TCERG1L: variants seen among roughly 807,000 people sequenced by gnomAD.
TCERG1L encodes transcription elongation regulator 1-like protein.
Under a neutral mutation model 56.3 loss-of-function variants are expected in TCERG1L, and 37 were observed. The observed-to-expected ratio is 0.66, with a 90% confidence interval of 0.51 to 0.87. The LOEUF (loss-of-function observed/expected upper bound fraction) is 0.87, where lower values mean the gene tolerates loss of function less well. Ranked by LOEUF, TCERG1L falls within the 40% of genes least tolerant of loss-of-function variation. The pLI, the probability that TCERG1L is intolerant of heterozygous loss-of-function variation, is 0.00. For missense variants in TCERG1L, 799 were observed against 774.2 expected, an observed-to-expected ratio of 1.03 and a Z score of -0.38; for synonymous variants, 324 against 326.3, an observed-to-expected ratio of 0.99 and a Z score of 0.08.
intron 4 of TCERG1L, among the ~76,000 whole-genome samples, chr10:131,225,917 C>T (rs1312778188): frequency 2.0e-5 from 3 of 152,190 alleles, no homozygotes; most frequent in Non-Finnish European, 4.4e-5. Context: ...ACGCCCTAGA[C>T]GCCAGGGTCA....
At chr10:131,150,577 T>G (rs7081792) in intron 6 of TCERG1L, among the ~76,000 whole-genome samples, 125,222 of 152,138 alleles carry the variant, frequency 0.82, 53,037 homozygotes, top group South Asian at 0.93. Flanking sequence ...CCTGAGCCAG[T>G]TGAGGGCCAG....
At chr10:131,168,333 C>G (rs1846053336) in intron 4 of TCERG1L, among the ~76,000 whole-genome samples, 1 of 152,172 alleles carries the variant, frequency 6.6e-6, no homozygotes, top group Admixed American at 6.5e-5. Flanking sequence ...CCCTCTGCAG[C>G]TCCGGGAAGG....
chr10:131,278,627 G>A (rs1846419628), intron 3 of TCERG1L, among the ~76,000 whole-genome samples: 1 of 152,144 alleles, frequency 6.6e-6, no homozygotes, highest in Non-Finnish European at 1.5e-5. Flanking sequence ...ACAGGCATGA[G>A]CCACCGCACC....
chr10:131,147,528 C>T (rs982878519), intron 6 of TCERG1L, among the ~76,000 whole-genome samples: 2 of 152,218 alleles, frequency 1.3e-5, no homozygotes, highest in African/African-American at 4.8e-5. Context: ...TAAGTCGTGT[C>T]AGGGTGCTAT....
chr10:131,188,690 TG>T (rs771576438), intron 4 of TCERG1L, among the ~76,000 whole-genome samples: 2 of 152,222 alleles, frequency 1.3e-5, no homozygotes, highest in Non-Finnish European at 2.9e-5. Flanking sequence ...TATCTACACA[TG>T]GGCCATGACT....
intron 4 of TCERG1L, among the ~76,000 whole-genome samples, chr10:131,254,653 C>G (rs1000708486): frequency 6.6e-6 from 1 of 152,052 alleles, no homozygotes; most frequent in Non-Finnish European, 1.5e-5. Flanking sequence ...GAGGAGGCAC[C>G]GTGGACTCGG....
chr10:131,175,325 C>G (rs1215537006), intron 4 of TCERG1L, among the ~76,000 whole-genome samples: 1 of 152,256 alleles, frequency 6.6e-6, no homozygotes, highest in Non-Finnish European at 1.5e-5. Context: ...GCCTGCCTCA[C>G]CCGGTGCGGC....
intron 4 of TCERG1L, among the ~76,000 whole-genome samples, chr10:131,173,882 G>C (rs1222796765): frequency 1.3e-5 from 2 of 152,194 alleles, no homozygotes; most frequent in Non-Finnish European, 2.9e-5. Flanking sequence ...GCTGGTGAAA[G>C]GGGAGACTGT....
At chr10:131,161,104 T>C (rs11598067) in intron 6 of TCERG1L, 46,782 of 152,166 alleles carry the variant, frequency 0.31, 8,852 homozygotes, top group Non-Finnish European at 0.42. Context: ...AGAGTGACAT[T>C]TCTCTCAACC....
intron 4 of TCERG1L, among the ~76,000 whole-genome samples, chr10:131,199,571 G>A (rs1213865745): frequency 2.0e-5 from 3 of 152,122 alleles, no homozygotes; most frequent in Non-Finnish European, 4.4e-5. Flanking sequence ...CTTTTTATCT[G>A]AGGAATGCAA....
intron 3 of TCERG1L, among the ~76,000 whole-genome samples, chr10:131,284,814 T>C (rs564992015): frequency 8.5e-5 from 13 of 152,232 alleles, no homozygotes; most frequent in Non-Finnish European, 1.5e-4. Flanking sequence ...AAGAAAAATA[T>C]AGCTTATGAA....
intron 4 of TCERG1L, among the ~76,000 whole-genome samples, chr10:131,233,479 C>T (rs980395645): frequency 6.6e-5 from 10 of 151,438 alleles, no homozygotes; most frequent in South Asian, 2.1e-4. Flanking sequence ...CACACAGACA[C>T]GCACACACGC....
Position 131,311,555 on chromosome 10 carries a change from C to G in TCERG1L, c.81G>C (p.Trp27Cys), listed in dbSNP as rs891881206. The change falls in exon 1 of 12, where the codon TGG (tryptophan) becomes TGC (cysteine). Residue 27 changes from tryptophan to cysteine, a missense_variant. Coordinates refer to ENST00000368642, the MANE Select transcript of TCERG1L (RefSeq NM_174937.4). The surrounding 1 kb of genome is among the most constrained non-coding windows in gnomAD (Gnocchi z 4.0). ...GCGGCGGCGGCTCTGCGTCCATCGG[C>G]CAGAGGAGAGGCTGCCGCCGCCGGG... ...QQPRRRQPLL[W>C]PMDAEPPPPP... The G allele has an allele frequency of 2.2e-5, 26 of 1,177,416 alleles. No homozygotes were observed. The Admixed American group carries it at 1.1e-3, about 48-fold the overall frequency. The allele number at this position is 1,177,416 out of a possible 1,614,324, so 72.9% of individuals were successfully genotyped here.
At chr10:131,110,610 T>C (rs1017696704) in intron 9 of TCERG1L, among the ~76,000 whole-genome samples, 5 of 152,180 alleles carry the variant, frequency 3.3e-5, no homozygotes, top group African/African-American at 1.2e-4. Flanking sequence ...CTGCCTGAAA[T>C]GGGGCACCTC....
chr10:131,095,471 C>G (rs1243293161), intron 11 of TCERG1L: 1 of 152,216 alleles, frequency 6.6e-6, no homozygotes, highest in Non-Finnish European at 1.5e-5. Flanking sequence ...GAGGCTGCTT[C>G]TAAGAGGCCC....
chr10:131,177,157 C>G (rs1293668612), intron 4 of TCERG1L, among the ~76,000 whole-genome samples: 1 of 151,208 alleles, frequency 6.6e-6, no homozygotes, highest in East Asian at 2.0e-4. Flanking sequence ...CGTGTACACA[C>G]AGAGACACAT....
At chr10:131,191,926 A>G (rs1429513644) in intron 4 of TCERG1L, among the ~76,000 whole-genome samples, 2 of 140,432 alleles carry the variant, frequency 1.4e-5, no homozygotes, top group African/African-American at 5.4e-5. Flanking sequence ...TAAAACTTCT[A>G]GAAGACAACA....
intron 3 of TCERG1L, among the ~76,000 whole-genome samples, chr10:131,292,170 A>G (rs540426443): frequency 3.9e-5 from 6 of 152,348 alleles, no homozygotes; most frequent in Middle Eastern, 3.4e-3. Context: ...GACTCCGACT[A>G]TCCAAGGACT....
At chr10:131,261,864 G>A (rs999912367) in intron 3 of TCERG1L, among the ~76,000 whole-genome samples, 6 of 152,312 alleles carry the variant, frequency 3.9e-5, no homozygotes, top group African/African-American at 1.4e-4. Flanking sequence ...TTGTGACTGG[G>A]GTGGCCAGGA....
Sources: gnomAD v4.1 joint callset for allele counts (sites outside exome capture counted in the v4.1 genomes callset) on GRCh38, gnomAD v4.1.1 for gene constraint, Gnocchi (gnomAD v3.1) non-coding constraint, MANE v1.5 for transcripts, NCBI Gene and HGNC (gene_info 2026-07-23, HGNC 2026-07-21) for gene names.